Variants in CYREN observed in about 807,000 individuals in gnomAD.
CYREN encodes cell cycle regulator of NHEJ, also known as cell cycle regulator of non-homologous end joining.
Under a neutral mutation model 9.7 loss-of-function variants are expected in CYREN, and 7 were observed. The ratio of observed to expected loss-of-function variants is 0.72; its 90% CI spans 0.41 to 1.36. The LOEUF is 1.36. Ranked by LOEUF, CYREN falls within the 40% of genes most tolerant of loss-of-function variation. CYREN has a pLI of 0.01. For synonymous variants in CYREN, 76 were observed against 77.9 expected, an observed-to-expected ratio of 0.98 and a Z score of 0.13; for missense variants, 215 against 198.1, an observed-to-expected ratio of 1.09 and a Z score of -0.51.
intron 2 of CYREN, among the ~76,000 whole-genome samples, chr7:135,110,163 C>A (rs939195959): frequency 6.6e-6 from 1 of 152,066 alleles, no homozygotes; most frequent in African/African-American, 2.4e-5. Flanking sequence ...GAGTTCCAAG[C>A]CAGTCCCTCT....
chr7:135,165,467 C>T (rs568196395), downstream of CYREN: 174 of 172,258 alleles, frequency 1.0e-3, 1 homozygote, highest in Middle Eastern at 0.01. Context: ...TAAGGAGCTT[C>T]CACTCAGCCC....
chr7:135,129,158 G>A, intron 2 of CYREN: 2 of 1,470,952 alleles, frequency 1.4e-6, no homozygotes, highest in Non-Finnish European at 1.9e-6. Context: ...TTCTCCTCCA[G>A]TCCACCTTGG....
Position 135,169,022 on chromosome 7 carries a change from C to T in CYREN, c.-100G>A. On this transcript the variant is annotated 5_prime_UTR_variant, in exon 2 of 4. Transcript: ENST00000393114. ...CGTTCTCTCGTCACACCCGGAATTA[C>T]AGGTCCATTTGTCCTCAGTGGGAGT... 2.5e-6 allele frequency: 3 copies of T among 1,188,316 alleles called. No homozygotes were observed. The South Asian group carries it at 4.8e-5, about 19-fold the overall frequency. The allele number at this position is 1,188,316 out of a possible 1,614,324, so 73.6% of individuals were successfully genotyped here.
chr7:135,171,002 C>T (rs1402245078), upstream of CYREN, among the ~76,000 whole-genome samples: 1 of 152,236 alleles, frequency 6.6e-6, no homozygotes, highest in Non-Finnish European at 1.5e-5. Flanking sequence ...AGGGAACGGG[C>T]ATGTTTTGGA....
intron 2 of CYREN, among the ~76,000 whole-genome samples, chr7:135,097,294 T>C (rs1823050084): frequency 6.6e-6 from 1 of 152,164 alleles, no homozygotes; most frequent in African/African-American, 2.4e-5. Flanking sequence ...CAATAATGTT[T>C]TCTACAGTGT....
At chr7:135,170,708 G>C (rs1358001774), upstream of CYREN, 1 of 152,420 alleles carries the variant, frequency 6.6e-6, no homozygotes, top group East Asian at 1.9e-4. Flanking sequence ...GACCTCCACT[G>C]GCCGCCCGCC....
rs983655903 is a variant in CYREN at position 135,168,044 on chromosome 7, C to G, written c.138-237G>C. On this transcript the variant is annotated intron_variant, in intron 2 of 3. Coordinates refer to ENST00000393114, the MANE Select transcript of CYREN (RefSeq NM_024033.4). ...GTGCCTCCCACCCTCCACCAACTGC[C>G]CTACAAGGATCTGGAAGTAGGGAAG... 2.8e-5 allele frequency: 17 copies of G among 600,600 alleles called. No homozygotes were observed. The African/African-American group carries it at 3.2e-4, about 11-fold the overall frequency. The allele number at this position is 600,600 out of a possible 1,614,324, so 37.2% of individuals were successfully genotyped here.
chr7:135,131,623 T>A (rs1056980453), intron 2 of CYREN, among the ~76,000 whole-genome samples: 1 of 151,730 alleles, frequency 6.6e-6, no homozygotes, highest in African/African-American at 2.4e-5. Flanking sequence ...AAATCAATAA[T>A]CTAAGCTCCC....
chr7:135,153,706 G>A (rs1829719311), intron 2 of CYREN, among the ~76,000 whole-genome samples: 1 of 152,136 alleles, frequency 6.6e-6, no homozygotes, highest in Non-Finnish European at 1.5e-5. Flanking sequence ...TGATCATAGT[G>A]TATTATCTTT....
chr7:135,164,413 C>A, downstream of CYREN: 1 of 1,578,878 alleles, frequency 6.3e-7, no homozygotes. Context: ...GTGACTTCCC[C>A]GCAGGTCCCC....
At chr7:135,150,301 C>A (rs939075691) in intron 2 of CYREN, among the ~76,000 whole-genome samples, 2 of 152,216 alleles carry the variant, frequency 1.3e-5, no homozygotes, top group Non-Finnish European at 2.9e-5. Context: ...ATCTAGTCAT[C>A]ACTTCCTCCT....
intron 2 of CYREN, among the ~76,000 whole-genome samples, chr7:135,104,630 G>A (rs1824372436): frequency 6.6e-6 from 1 of 152,142 alleles, no homozygotes; most frequent in Admixed American, 6.5e-5. Flanking sequence ...TCTGACTGCT[G>A]TGAGATGGTA....
chr7:135,131,821 A>C (rs1269866439), intron 2 of CYREN, among the ~76,000 whole-genome samples: 2 of 152,138 alleles, frequency 1.3e-5, no homozygotes, highest in Non-Finnish European at 2.9e-5. Context: ...AATAAAGAAA[A>C]AAAGACATAA....
intron 2 of CYREN, among the ~76,000 whole-genome samples, chr7:135,103,157 T>C (rs566275045): frequency 8.5e-5 from 13 of 152,144 alleles, no homozygotes; most frequent in Non-Finnish European, 4.4e-5. Flanking sequence ...AGGAATCATT[T>C]CTCTTTCTTT....
chr7:135,126,234 T>C (rs925378530), intron 2 of CYREN, among the ~76,000 whole-genome samples: 10 of 152,132 alleles, frequency 6.6e-5, no homozygotes, highest in Admixed American at 3.9e-4. Context: ...TCACAAGCAT[T>C]CCTTTACACC....
At chr7:135,111,033 T>G (rs905928061) in intron 2 of CYREN, among the ~76,000 whole-genome samples, 1 of 152,152 alleles carries the variant, frequency 6.6e-6, no homozygotes, top group African/African-American at 2.4e-5. Context: ...ATTCTAAACT[T>G]TTTCCTCTCT....
At chr7:135,108,538 A>G (rs1825121294) in intron 2 of CYREN, among the ~76,000 whole-genome samples, 1 of 152,106 alleles carries the variant, frequency 6.6e-6, no homozygotes, top group Admixed American at 6.6e-5. Context: ...TAGGCCCCCA[A>G]TCTCTTCTGG....
At chr7:135,099,837 A>C (rs1350415604) in intron 2 of CYREN, 1 of 146,888 alleles carries the variant, frequency 6.8e-6, no homozygotes, top group Non-Finnish European at 1.5e-5. Flanking sequence ...AAATCTAGTT[A>C]GATATTTATT....
At chr7:135,095,719 C>T (rs1289357816) in intron 2 of CYREN, among the ~76,000 whole-genome samples, 4 of 152,164 alleles carry the variant, frequency 2.6e-5, no homozygotes, top group African/African-American at 4.8e-5. Flanking sequence ...GTCACTGTCA[C>T]TTTTTTTCCC....
Sources: allele counts gnomAD v4.1 joint callset (sites outside exome capture counted in the v4.1 genomes callset), GRCh38; gene constraint gnomAD v4.1.1; transcripts MANE v1.5; gene names NCBI Gene and HGNC (gene_info 2026-07-23, HGNC 2026-07-21).